Variants in TPP1 observed in about 807,000 individuals in gnomAD.
The protein encoded by TPP1 is tripeptidyl peptidase 1, also known as tripeptidyl-peptidase 1.
Under a neutral mutation model 67.6 loss-of-function variants are expected in TPP1, and 43 were observed. The observed-to-expected ratio is 0.64, with a 90% CI of 0.50 to 0.82. The LOEUF (loss-of-function observed/expected upper bound fraction) is 0.82. Ranked by LOEUF, TPP1 falls within the 40% of genes least tolerant of loss-of-function variation. TPP1 has a pLI of 0.00. For synonymous variants in TPP1, 272 were observed against 281.5 expected (o/e 0.97, Z 0.34); for missense variants, 671 against 710.9 (o/e 0.94, Z 0.64).
rs546701146 is a variant in TPP1 at position 6,616,882 on chromosome 11, G to A, written c.688-23C>T. The A allele has an allele frequency of 7.3e-4, 1,181 of 1,614,090 alleles. 20 individuals are homozygous for A. The South Asian group carries it at 0.012, about 17-fold the overall frequency. The stretch of plus-strand genomic sequence containing the variant: ...GAACTATGGAGGGAGTCAGAGCAGA[G>A]ATCGTGGGTCCGAGGGTGAGTCCCA... On this transcript the variant is annotated intron_variant, in intron 6 of 12. Coordinates refer to ENST00000299427, the MANE Select transcript of TPP1 (RefSeq NM_000391.4).
rs751321300 is a variant in TPP1, at chr11:6,616,034, G to A, written c.1116C>T (p.His372=). The change falls in exon 9 of 13, where the codon CAC becomes CAT. Residue 372 remains histidine (H), a synonymous_variant. Coordinates refer to ENST00000299427, the MANE Select transcript of TPP1 (RefSeq NM_000391.4). Reference sequence around the variant, plus strand: ...AGGCAGGGAAGGTAGGGCGGAACTGGTGTCTTCCAGAGACAGACCAACACC... The same window carrying A: ...AGGCAGGGAAGGTAGGGCGGAACTGATGTCTTCCAGAGACAGACCAACACC... ...GAGCWSVSGR[H]QFRPTFPASS... The A allele has an allele frequency of 3.1e-6, 5 of 1,614,088 alleles. No individual in the cohort carries two copies. The highest frequency in any genetic ancestry group is 4.2e-6 in the Non-Finnish European group (5 of 1,180,046).
At chr11:6,618,940 T>C (rs777730703) in intron 2 of TPP1, 25 bp from the exon 3 acceptor site, 3 of 1,610,806 alleles carry the variant, frequency 1.9e-6, no homozygotes, top group Non-Finnish European at 2.5e-6. Flanking sequence ...GTCAGGGACA[T>C]GGCTTTGGTT....
Position 6,615,995 on chromosome 11 carries a change from G to A in TPP1, c.1145+10C>T, listed in dbSNP as rs772470727. On this transcript the variant is annotated intron_variant, in intron 9 of 12. Coordinates refer to ENST00000299427, the MANE Select transcript of TPP1 (RefSeq NM_000391.4). The stretch of plus-strand genomic sequence containing the variant: ...GTGGTTATACCTGAGTGGTAGGCTA[G>A]AGTACTTACCTGGAGGCAGGGAAGG... 1.2e-6 allele frequency: 2 copies of A among 1,613,940 alleles called. No homozygotes were observed. The highest frequency in any genetic ancestry group is 1.7e-6 in the Non-Finnish European group (2 of 1,179,912).
At position 6,615,158 on chromosome 11, in the gene TPP1, G is replaced by A; in HGVS notation, c.1425+13C>T. 4.3e-6 allele frequency: 7 copies of A among 1,614,116 alleles called. No homozygotes were observed. The highest frequency in any genetic ancestry group is 5.9e-6 in the Non-Finnish European group (7 of 1,180,028). ...GTTCCTGAGTGAGAGTTTGGAGATGGGCTGATTCTCACCGAGGTTCCGGAC... is the reference window on the plus strand; with the variant it reads ...GTTCCTGAGTGAGAGTTTGGAGATGAGCTGATTCTCACCGAGGTTCCGGAC... On this transcript the variant is annotated intron_variant, in intron 11 of 12. Coordinates refer to ENST00000299427, the MANE Select transcript of TPP1 (RefSeq NM_000391.4).
At position 6,618,849 on chromosome 11, in the gene TPP1, GGCAAAGGTGA is replaced by G. The variant is rs1200992439; in HGVS notation, c.146_155del (p.Leu49ProfsTer2). 6.2e-7 allele frequency: 1 copy of G among 1,613,944 alleles called. No homozygotes were observed. Among genetic ancestry groups the G allele is most frequent in the Non-Finnish European group, 8.5e-7 (1 of 1,180,044 alleles). ...GTCTTTCCACATTCTGCTGTCTCAG[GGCAAAGGTGA>G]GACTCAGCTCTTCCTCAGGGTCCGC... is the stretch of plus-strand genomic sequence containing the variant. On this transcript the variant is annotated frameshift_variant, in exon 3 of 13. Coordinates refer to ENST00000299427, the MANE Select transcript of TPP1 (RefSeq NM_000391.4). LOFTEE classifies it high-confidence loss of function.
rs1564853608 is a variant in TPP1, at chr11:6,613,535, G to C, written c.*1011C>G. The C allele has an allele frequency of 6.6e-6, 1 of 152,596 alleles. No homozygotes were observed. Among genetic ancestry groups the C allele is most frequent in the Admixed American group, 6.5e-5 (1 of 15,276 alleles). The allele number at this position is 152,596 out of a possible 1,614,324, so 9.5% of individuals were successfully genotyped here. A position where few individuals can be genotyped will look rare whatever the true frequency, so the allele number is the denominator to read the frequency against. ...TGGAAGATGACTTGGGGATTGGCAGGAAGTAAGGACACTTTTTTTCAAGAG... is the reference window on the plus strand; with the variant it reads ...TGGAAGATGACTTGGGGATTGGCAGCAAGTAAGGACACTTTTTTTCAAGAG... On this transcript the variant is annotated 3_prime_UTR_variant, in exon 13 of 13. Coordinates refer to ENST00000299427, the MANE Select transcript of TPP1 (RefSeq NM_000391.4).
At position 6,612,856 on chromosome 11, in the gene TPP1, C is replaced by T. The variant is rs377714674; in HGVS notation, c.*1690G>A. On this transcript the variant is annotated 3_prime_UTR_variant, in exon 13 of 13. Transcript: ENST00000299427. ...AAGTTAAATAGGACACGATTCTAGTCCTCTAGGCACCAACGGTCTTGGAAA... is the reference window on the plus strand; with the variant it reads ...AAGTTAAATAGGACACGATTCTAGTTCTCTAGGCACCAACGGTCTTGGAAA... 1.3e-5 allele frequency: 2 copies of T among 152,652 alleles called. No homozygotes were observed. Among genetic ancestry groups the T allele is most frequent in the African/African-American group, 4.8e-5 (2 of 41,436 alleles). The allele number at this position is 152,652 out of a possible 1,614,324, so 9.5% of individuals were successfully genotyped here. A position where few individuals can be genotyped will look rare whatever the true frequency, so the allele number is the denominator to read the frequency against.
chr11:6,617,182 T>G (rs1461903079), intron 5 of TPP1, 29 bp from the exon 6 acceptor site: 3 of 1,613,678 alleles, frequency 1.9e-6, no homozygotes, highest in Non-Finnish European at 1.7e-6. Flanking sequence ...CTTGAGGAGA[T>G]CTTATAGACT....
Position 6,616,504 on chromosome 11 carries a change from C to T in TPP1, c.887-1G>A. On this transcript the variant is annotated splice_acceptor_variant, in intron 7 of 12. Coordinates refer to ENST00000299427, the MANE Select transcript of TPP1 (RefSeq NM_000391.4). LOFTEE classifies it high-confidence loss of function. Reference sequence around the variant, plus strand: ...AAGGGCTCCTGTCCCTCATGCCGGCCTGGATTTTTTTTTTTTTTTTTTTTG... The same window carrying T: ...AAGGGCTCCTGTCCCTCATGCCGGCTTGGATTTTTTTTTTTTTTTTTTTTG... The T allele has an allele frequency of 6.5e-7, 1 of 1,546,268 alleles. No homozygotes were observed. The highest frequency in any genetic ancestry group is 8.6e-7 in the Non-Finnish European group (1 of 1,159,940).
chr11:6,619,351 A>T, intron 1 of TPP1, 33 bp downstream of exon 1: 2 of 1,614,100 alleles, frequency 1.2e-6, no homozygotes, highest in Non-Finnish European at 1.7e-6. Context: ...CTCCAACGTG[A>T]TCCCTTTCTC....
At chr11:6,617,188 A>G (rs1045130475) in intron 5 of TPP1, 35 bp from the exon 6 acceptor site, 3 of 1,613,808 alleles carry the variant, frequency 1.9e-6, no homozygotes, top group Non-Finnish European at 2.5e-6. Context: ...GAGATCTTAT[A>G]GACTGTAATG....
chr11:6,616,127 G>A (rs1855577622), intron 8 of TPP1, 53 bp from the exon 9 acceptor site: 2 of 1,608,874 alleles, frequency 1.2e-6, no homozygotes, highest in African/African-American at 2.7e-5. Context: ...CTTAGTATGT[G>A]GGTTCGGATG....
Position 6,617,347 on chromosome 11 carries a change from T to TG in TPP1, c.461dup (p.His155ThrfsTer33), listed in dbSNP as rs1217969016. 1 of 1,614,102 alleles carries TG rather than the reference T, an allele frequency of 6.2e-7. No individual in the cohort carries two copies. Among genetic ancestry groups the TG allele is most frequent in the African/African-American group, 1.3e-5 (1 of 74,998 alleles). On this transcript the variant is annotated frameshift_variant, in exon 5 of 13. Coordinates refer to ENST00000299427, the MANE Select transcript of TPP1 (RefSeq NM_000391.4). LOFTEE classifies it high-confidence loss of function. ...AGGCCTGTGGAAGCTGGTAGGGATG[T>TG]GGGGACCTTACAACATGGGTTTCCG...
chr11:6,619,293 G>C, intron 1 of TPP1, 26 bp from the exon 2 acceptor site: 1 of 1,614,210 alleles, frequency 6.2e-7, no homozygotes, highest in Non-Finnish European at 8.5e-7. Context: ...GTGGGTTTCA[G>C]TGGGAGCTAC....
Position 6,613,656 on chromosome 11 carries a change from T to TA in TPP1, c.*889dup, listed in dbSNP as rs1194498585. ...ATAATTGGAAGGACTTGTGGACTGA[T>TA]AAAGATATATTTAAGATGTGCAGTC... On this transcript the variant is annotated 3_prime_UTR_variant, in exon 13 of 13. Coordinates refer to ENST00000299427, the MANE Select transcript of TPP1 (RefSeq NM_000391.4). 1 of 152,654 alleles carries TA rather than the reference T, an allele frequency of 6.6e-6. No individual in the cohort carries two copies. The highest frequency in any genetic ancestry group is 2.4e-5 in the African/African-American group (1 of 41,448). The allele number at this position is 152,654 out of a possible 1,614,324, so 9.5% of individuals were successfully genotyped here. A position where few individuals can be genotyped will look rare whatever the true frequency, so the allele number is the denominator to read the frequency against.
Position 6,618,787 on chromosome 11 carries a change from G to C in TPP1, c.218C>G (p.Ser73Cys). 1 of 1,613,920 alleles carries C rather than the reference G, an allele frequency of 6.2e-7. No homozygotes were observed. The highest frequency in any genetic ancestry group is 8.5e-7 in the Non-Finnish European group (1 of 1,180,036). ...ELVQAVSDPS[S>C]PQYGKYLTLE... The stretch of plus-strand genomic sequence containing the variant: ...GTCCCAAAAGGCACCGTATTGAGGA[G>C]AGCTGGGATCCGACACAGCCTGCAC... Residue 73 changes from serine to cysteine, a missense_variant, in exon 3 of 13, where the codon TCT becomes TGT. Ser to Cys is a moderately radical substitution (Grantham distance 112, BLOSUM62 -1). Coordinates refer to ENST00000299427, the MANE Select transcript of TPP1 (RefSeq NM_000391.4).
Position 6,617,666 on chromosome 11 carries a change from C to T in TPP1, c.340G>A (p.Val114Met), listed in dbSNP as rs552111650. 1.3e-5 allele frequency: 21 copies of T among 1,614,224 alleles called. 1 individual carries two copies. The South Asian group carries it at 2.2e-4, about 17-fold the overall frequency. ...CAAGTCAGAAAGTCCTGTGTGATCA[C>T]AGAATGGCACTTCTGGGCTCCGGCT... ...LAAGAQKCHS[V>M]ITQDFLTCWL... The change falls in exon 4 of 13, where the codon GTG becomes ATG. Residue 114 changes from valine (V) to methionine (M), a missense_variant. Physicochemically the swap from Val to Met is conservative, Grantham distance 21. Coordinates refer to ENST00000299427, the MANE Select transcript of TPP1 (RefSeq NM_000391.4).
rs773247372 is a variant in TPP1, at chr11:6,616,775, C to A, written c.772G>T (p.Ala258Ser). 6 of 1,613,886 alleles carry A rather than the reference C, an allele frequency of 3.7e-6. No homozygotes were observed. The highest frequency in any genetic ancestry group is 2.7e-5 in the African/African-American group (2 of 74,914). The change falls in exon 7 of 13, where the codon GCC (alanine) becomes TCC (serine). Residue 258 changes from alanine (A) to serine (S), a missense_variant. Physicochemically the swap from Ala to Ser is moderately conservative, Grantham distance 99. Transcript: ENST00000299427. ...GGNFAHQASV[A>S]RVVGQQGRGR... ...CGGCCCTGTTGTCCAACCACACGGG[C>A]TACTGATGCCTGATGTGCAAAGTTG...
rs375262484 is a variant in TPP1, at chr11:6,616,866, A to T, written c.688-7T>A. 2.9e-4 allele frequency: 467 copies of T among 1,613,918 alleles called. 1 individual carries two copies. In the African/African-American group the frequency reaches 5.9e-3, roughly 20 times the overall value. On this transcript the variant is annotated splice_polypyrimidine_tract_variant and splice_region_variant and intron_variant, in intron 6 of 12. Transcript: ENST00000299427. ...GGAAATACTGCTCCAGGAACTATGG[A>T]GGGAGTCAGAGCAGAGATCGTGGGT...
Sources: gnomAD v4.1 joint callset for allele counts on GRCh38, gnomAD v4.1.1 for gene constraint, MANE v1.5 for transcripts, NCBI Gene and HGNC (gene_info 2026-07-23, HGNC 2026-07-21) for gene names.